The following KCNQ1 variants were observed in gnomAD, a reference collection of about 807,000 sequenced individuals.
The protein encoded by KCNQ1 is potassium voltage-gated channel subfamily Q member 1.
A neutral mutation model predicts 72.4 loss-of-function variants in KCNQ1; 49 were observed. The ratio of observed to expected loss-of-function variants is 0.68; its 90% confidence interval spans 0.54 to 0.86. KCNQ1 has a LOEUF of 0.86. KCNQ1 is among the 40% of genes least tolerant of loss of function. KCNQ1 has a pLI of 0.00. For missense variants in KCNQ1, 790 were observed against 945.1 expected (o/e 0.84, Z 2.15); for synonymous variants, 450 against 412.6 (o/e 1.09, Z -1.10).
In KCNQ1 at chr11:2,703,030, C is replaced by G. The variant is rs767860767; in HGVS notation, c.1514+40949C>G. ...GACTGAGAGGGGTTTGTTGTCTCGT[C>G]GGGCGACAAGAGACACGTGGGAATT... On this transcript the variant is annotated intron_variant, in intron 11 of 15. Coordinates refer to ENST00000155840, the MANE Select transcript of KCNQ1 (RefSeq NM_000218.3). This position sits in a 1 kb window ranked among gnomAD's most constrained non-coding sequence, Gnocchi z 6.4. Among the ~76,000 whole-genome samples, 4 of 152,230 alleles carry G rather than the reference C, an allele frequency of 2.6e-5. No homozygotes were observed. The highest frequency in any genetic ancestry group is 2.1e-4 in the South Asian group (1 of 4,820).
intron 1 of KCNQ1, among the ~76,000 whole-genome samples, chr11:2,469,818 C>T (rs1376418262): frequency 2.6e-5 from 4 of 151,828 alleles, no homozygotes; most frequent in Non-Finnish European, 5.9e-5. Context: ...GGACTACAGG[C>T]GCCCGCCACT....
At chr11:2,586,008 C>T (rs557923168) in intron 8 of KCNQ1, among the ~76,000 whole-genome samples, 12 of 152,224 alleles carry the variant, frequency 7.9e-5, no homozygotes, top group Admixed American at 5.9e-4. Context: ...TTGAGAATTG[C>T]GTCCCTGTGG....
Position 2,602,403 on chromosome 11 carries a change from A to G in KCNQ1, c.1393+13549A>G, listed in dbSNP as rs1039847480. On this transcript the variant is annotated intron_variant, in intron 10 of 15. Coordinates refer to ENST00000155840, the MANE Select transcript of KCNQ1 (RefSeq NM_000218.3). This position sits in a 1 kb window ranked among gnomAD's most constrained non-coding sequence, Gnocchi z 4.8. Reference sequence around the variant, plus strand: ...ATTCTTGTAAGGTTCTTGTGTGAACATAAGTTTTTATTTCTTTGGGATAAA... The same window carrying G: ...ATTCTTGTAAGGTTCTTGTGTGAACGTAAGTTTTTATTTCTTTGGGATAAA... Among the ~76,000 whole-genome samples the G allele has an allele frequency of 9.2e-5, 14 of 152,252 alleles. No individual in the cohort carries two copies. Among genetic ancestry groups the G allele is most frequent in the Non-Finnish European group, 1.6e-4 (11 of 68,044 alleles).
Position 2,491,902 on chromosome 11 carries a change from G to A in KCNQ1, c.387-36026G>A, listed in dbSNP as rs78788694. 2.4e-3 allele frequency among the ~76,000 whole-genome samples: 369 copies of A among 152,276 alleles called. 3 individuals are homozygous for A. The highest frequency in any genetic ancestry group is 8.4e-3 in the African/African-American group (350 of 41,556). On this transcript the variant is annotated intron_variant, in intron 1 of 15. Transcript: ENST00000155840. The surrounding 1 kb of genome is among the most constrained non-coding windows in gnomAD (Gnocchi z 4.1). ...TCAATGGAAACTTTATGGGCCAGAA[G>A]AGAGTGGCAGGACATATTTAAGGTG...
At chr11:2,456,706 G>C (rs1846195027) in intron 1 of KCNQ1, among the ~76,000 whole-genome samples, 1 of 149,588 alleles carries the variant, frequency 6.7e-6, no homozygotes, top group Admixed American at 6.7e-5. Flanking sequence ...CAGATCACCA[G>C]GTCAGGAGAT....
chr11:2,558,370 G>C (rs928338607), intron 2 of KCNQ1, among the ~76,000 whole-genome samples: 5 of 152,224 alleles, frequency 3.3e-5, no homozygotes, highest in South Asian at 2.1e-4. Flanking sequence ...GTGCGTCCTG[G>C]GTTCTCACCC....
Position 2,661,819 on chromosome 11 carries a change from C to T in KCNQ1, c.1394-142C>T. The T allele has an allele frequency of 9.8e-7, 1 of 1,016,582 alleles. No homozygotes were observed. Among genetic ancestry groups the T allele is most frequent in the Non-Finnish European group, 1.5e-6 (1 of 661,888 alleles). The allele number at this position is 1,016,582 out of a possible 1,614,324, so 63.0% of individuals were successfully genotyped here. On this transcript the variant is annotated intron_variant, in intron 10 of 15. Transcript: ENST00000155840. This position sits in a 1 kb window ranked among gnomAD's most constrained non-coding sequence, Gnocchi z 5.9. Reference sequence around the variant, plus strand: ...AACACCCACCCACCCCAACACCCAACTATAAAACTGATTGTCAGGGCTGGA... The same window carrying T: ...AACACCCACCCACCCCAACACCCAATTATAAAACTGATTGTCAGGGCTGGA...
chr11:2,568,272 CATAAATAA>C (rs71029149), intron 2 of KCNQ1, among the ~76,000 whole-genome samples: 54,589 of 149,072 alleles, frequency 0.37, 11,611 homozygotes, highest in African/African-American at 0.58. Flanking sequence ...GACTCTGTCT[CATAAATAA>C]ATAAATAAAT....
intron 1 of KCNQ1, among the ~76,000 whole-genome samples, chr11:2,501,150 A>C (rs1029524520): frequency 6.6e-6 from 1 of 152,220 alleles, no homozygotes; most frequent in Non-Finnish European, 1.5e-5. Flanking sequence ...GAGTAAGTCA[A>C]CCTAAAATTA....
chr11:2,453,445 G>A (rs1295385642), intron 1 of KCNQ1, among the ~76,000 whole-genome samples: 1 of 152,174 alleles, frequency 6.6e-6, no homozygotes, highest in Non-Finnish European at 1.5e-5. Context: ...TTTCACGAAG[G>A]GTTAATCTGT....
chr11:2,627,242 CCTA>C lies in KCNQ1; in HGVS notation c.1394-34716_1394-34714del, dbSNP rs1220910056. On this transcript the variant is annotated intron_variant, in intron 10 of 15. Coordinates refer to ENST00000155840, the MANE Select transcript of KCNQ1 (RefSeq NM_000218.3). This position sits in a 1 kb window ranked among gnomAD's most constrained non-coding sequence, Gnocchi z 4.9. ...TGCATATATTTAAGAACATATTTGA[CCTA>C]CTGTGAAATGATTACTACAATCAAG... 1 of 398,274 alleles carries C rather than the reference CCTA, an allele frequency of 2.5e-6. No individual in the cohort carries two copies. The highest frequency in any genetic ancestry group is 4.4e-6 in the Non-Finnish European group (1 of 226,030). 24.7% of individuals were successfully genotyped at this position (398,274 alleles called of 1,614,324 possible). A position where few individuals can be genotyped will look rare whatever the true frequency, so the allele number is the denominator to read the frequency against.
At chr11:2,640,397 A>C (rs190494171) in intron 10 of KCNQ1, 4 of 398,500 alleles carry the variant, frequency 1.0e-5, no homozygotes, top group African/African-American at 8.2e-5. Flanking sequence ...GTCATTCTCC[A>C]TCCTTGACCC....
Position 2,657,813 on chromosome 11 carries a change from A to C in KCNQ1, c.1394-4148A>C, listed in dbSNP as rs1052632732. The C allele has an allele frequency of 5.0e-6, 2 of 398,388 alleles. No individual in the cohort carries two copies. The highest frequency in any genetic ancestry group is 8.8e-6 in the Non-Finnish European group (2 of 226,056). 24.7% of individuals were successfully genotyped at this position (398,388 alleles called of 1,614,324 possible). Reference sequence around the variant, plus strand: ...TACCAGTCAGGTGTCATTGTCCCTCAGTTTGGATTTGTCTGGTGTTTTCTC... The same window carrying C: ...TACCAGTCAGGTGTCATTGTCCCTCCGTTTGGATTTGTCTGGTGTTTTCTC... On this transcript the variant is annotated intron_variant, in intron 10 of 15. Coordinates refer to ENST00000155840, the MANE Select transcript of KCNQ1 (RefSeq NM_000218.3). This position sits in a 1 kb window ranked among gnomAD's most constrained non-coding sequence, Gnocchi z 4.8.
chr11:2,700,831 C>T (rs990809094), intron 11 of KCNQ1, among the ~76,000 whole-genome samples: 7 of 151,804 alleles, frequency 4.6e-5, no homozygotes, highest in Admixed American at 3.9e-4. Flanking sequence ...CTCCCCTTGT[C>T]CGTCCCCTCC....
chr11:2,775,083 G>A (rs575347410), intron 12 of KCNQ1, among the ~76,000 whole-genome samples: 4 of 152,336 alleles, frequency 2.6e-5, no homozygotes, highest in South Asian at 2.1e-4. Context: ...GTGGCCTCTC[G>A]GGATAGAGGC....
chr11:2,475,826 T>G lies in KCNQ1; in HGVS notation c.386+30342T>G, dbSNP rs550370063. ...GAGGCATTCCGCTACACAAGCTCTC[T>G]CATGTTTTGCCTGCCACCATCCACG... On this transcript the variant is annotated intron_variant, in intron 1 of 15. Transcript: ENST00000155840. The surrounding 1 kb of genome is among the most constrained non-coding windows in gnomAD (Gnocchi z 5.8). Among the ~76,000 whole-genome samples, 1 of 152,354 alleles carries G rather than the reference T, an allele frequency of 6.6e-6. No homozygotes were observed. The highest frequency in any genetic ancestry group is 2.4e-5 in the African/African-American group (1 of 41,586).
rs1474890755 is a variant in KCNQ1 at position 2,783,509 on chromosome 11, T to G, written c.1794+5472T>G. Among the ~76,000 whole-genome samples the G allele has an allele frequency of 6.6e-6, 1 of 152,104 alleles. No homozygotes were observed. The highest frequency in any genetic ancestry group is 2.4e-5 in the African/African-American group (1 of 41,444). The stretch of plus-strand genomic sequence containing the variant: ...AATCTTCTATATTCTCATTGGAATG[T>G]TTTTATCTGCTTGATCTATTATTAC... On this transcript the variant is annotated intron_variant, in intron 15 of 15. Transcript: ENST00000155840. The surrounding 1 kb of genome is among the most constrained non-coding windows in gnomAD (Gnocchi z 5.2).
rs1269292509 is a variant in KCNQ1, at chr11:2,787,024, A to T, written c.1794+8987A>T. ...TGGGAATTTTTGAAGTCTGGTGTGAAGTTGGGGTCCTCAGGGAGGAATCAT... is the reference window on the plus strand; with the variant it reads ...TGGGAATTTTTGAAGTCTGGTGTGATGTTGGGGTCCTCAGGGAGGAATCAT... On this transcript the variant is annotated intron_variant, in intron 15 of 15. Transcript: ENST00000155840. The surrounding 1 kb of genome is among the most constrained non-coding windows in gnomAD (Gnocchi z 6.3). Among the ~76,000 whole-genome samples, 1 of 150,152 alleles carries T rather than the reference A, an allele frequency of 6.7e-6. No homozygotes were observed. Among genetic ancestry groups the T allele is most frequent in the African/African-American group, 2.5e-5 (1 of 40,652 alleles).
chr11:2,799,377 T>A (rs1847211606), intron 15 of KCNQ1, among the ~76,000 whole-genome samples: 1 of 144,894 alleles, frequency 6.9e-6, no homozygotes, highest in Non-Finnish European at 1.5e-5. Context: ...TAAGTTCGAG[T>A]GTGTGTGTGT....
Sources: allele counts gnomAD v4.1 joint callset (sites outside exome capture counted in the v4.1 genomes callset), GRCh38; gene constraint gnomAD v4.1.1; non-coding constraint Gnocchi (gnomAD v3.1); transcripts MANE v1.5; gene names NCBI Gene and HGNC (gene_info 2026-07-23, HGNC 2026-07-21).